Variants in LMNTD1 observed in about 807,000 individuals in gnomAD.
LMNTD1 encodes the protein lamin tail domain containing 1.
Under a neutral mutation model 50.9 loss-of-function variants are expected in LMNTD1, and 35 were observed. That is an observed-to-expected ratio of 0.69 (90% CI 0.53 to 0.91). LMNTD1 has a LOEUF of 0.91. Among genes scored for constraint, LMNTD1 ranks in the 40% least tolerant of loss-of-function variants. The pLI is 0.00. For synonymous variants in LMNTD1, 153 were observed against 161.9 expected (o/e 0.94, Z 0.42); for missense variants, 470 against 475.5 (o/e 0.99, Z 0.11).
At chr12:25,618,988 A>ACCC (rs1946405133) in intron 1 of LMNTD1, among the ~76,000 whole-genome samples, 2 of 152,166 alleles carry the variant, frequency 1.3e-5, no homozygotes, top group African/African-American at 2.4e-5. Flanking sequence ...AGGTTTGGTG[A>ACCC]TGGGTTAACA....
chr12:25,488,631 C>G (rs1214862577), intron 9 of LMNTD1, among the ~76,000 whole-genome samples: 1 of 151,690 alleles, frequency 6.6e-6, no homozygotes, highest in Non-Finnish European at 1.5e-5. Flanking sequence ...CTTCTCTCAG[C>G]TCGTCAAAGT....
chr12:25,554,048 C>T (rs903591783), upstream of LMNTD1, among the ~76,000 whole-genome samples: 6 of 152,058 alleles, frequency 3.9e-5, no homozygotes, highest in Non-Finnish European at 7.4e-5. Context: ...AAAGTCAAGA[C>T]GTGTAACACG....
intron 1 of LMNTD1, among the ~76,000 whole-genome samples, chr12:25,609,718 G>A (rs552259668): frequency 6.3e-4 from 96 of 152,192 alleles, no homozygotes; most frequent in African/African-American, 2.3e-3. Context: ...TGGAAGCTTC[G>A]TCTCAGAGGG....
chr12:25,632,346 A>G (rs1218107464), intron 1 of LMNTD1, among the ~76,000 whole-genome samples: 4 of 152,244 alleles, frequency 2.6e-5, no homozygotes. Flanking sequence ...CACTGTCATC[A>G]GGTTATCCAG....
intron 9 of LMNTD1, chr12:25,503,096 A>G (rs969161773): frequency 6.6e-6 from 1 of 152,262 alleles, no homozygotes; most frequent in Admixed American, 6.5e-5. Flanking sequence ...GTAGTGAACG[A>G]GGGCAACAAA....
chr12:25,594,664 A>AC (rs1215140818), intron 1 of LMNTD1, among the ~76,000 whole-genome samples: 130 of 150,640 alleles, frequency 8.6e-4, no homozygotes, highest in African/African-American at 3.0e-3. Flanking sequence ...AAAAAAAAAA[A>AC]AAAAAAAAAA....
At chr12:25,644,313 CAAAAAAAA>C (rs59091210) in intron 1 of LMNTD1, among the ~76,000 whole-genome samples, 204 of 82,090 alleles carry the variant, frequency 2.5e-3, no homozygotes, top group African/African-American at 9.2e-3. Context: ...CCTTTCTCTA[CAAAAAAAA>C]AAAAAAAAAA....
At chr12:25,545,620 C>A (rs1565463038) in intron 4 of LMNTD1, among the ~76,000 whole-genome samples, 1 of 151,608 alleles carries the variant, frequency 6.6e-6, no homozygotes, top group Admixed American at 6.6e-5. Flanking sequence ...AACTGCTCAT[C>A]ATTTTAACAT....
At chr12:25,647,339 G>T (rs763562370) in intron 1 of LMNTD1, among the ~76,000 whole-genome samples, 13 of 152,016 alleles carry the variant, frequency 8.6e-5, no homozygotes, top group Non-Finnish European at 1.6e-4. Flanking sequence ...AAAAAAATTG[G>T]CTGGGCATGG....
At chr12:25,551,941 CTCAAGTCTAGCATT>C in intron 2 of LMNTD1, among the ~76,000 whole-genome samples, 1 of 152,330 alleles carries the variant, frequency 6.6e-6, no homozygotes, top group African/African-American at 2.4e-5. Flanking sequence ...GTTACAAAAG[CTCAAGTCTAGCATT>C]TCAATGTTAC....
chr12:25,478,480 T>C (rs1938342854), intron 9 of LMNTD1, among the ~76,000 whole-genome samples: 1 of 152,284 alleles, frequency 6.6e-6, no homozygotes, highest in Non-Finnish European at 1.5e-5. Context: ...AGTACAAGTG[T>C]ATACATGCAC....
intron 9 of LMNTD1, among the ~76,000 whole-genome samples, chr12:25,481,492 A>AT (rs1026933596): frequency 2.0e-5 from 3 of 151,994 alleles, no homozygotes; most frequent in African/African-American, 7.3e-5. Flanking sequence ...CCACCAAAGT[A>AT]TTTTCTAAAC....
intron 9 of LMNTD1, among the ~76,000 whole-genome samples, chr12:25,494,678 T>C (rs1032118428): frequency 1.3e-5 from 2 of 152,106 alleles, no homozygotes; most frequent in African/African-American, 4.8e-5. Context: ...ATTATTTTTT[T>C]CCCCCAGCTT....
At chr12:25,575,822 A>G (rs1944992070) in intron 1 of LMNTD1, among the ~76,000 whole-genome samples, 1 of 152,096 alleles carries the variant, frequency 6.6e-6, no homozygotes. Flanking sequence ...ATATCTCCTA[A>G]TGCTATCCCT....
intron 4 of LMNTD1, among the ~76,000 whole-genome samples, chr12:25,529,527 A>AGGG (rs1942073560): frequency 1.3e-5 from 2 of 152,248 alleles, no homozygotes; most frequent in South Asian, 4.2e-4. Context: ...ATACTGTCCC[A>AGGG]GTTTCTTATC....
chr12:25,546,666 C>T, intron 3 of LMNTD1, 112 bp from the exon 4 acceptor site: 1 of 565,046 alleles, frequency 1.8e-6, no homozygotes, highest in Middle Eastern at 4.5e-4. Flanking sequence ...TATATTTTTA[C>T]ATTTTAATAT....
At chr12:25,570,512 T>C (rs1944743713) in intron 1 of LMNTD1, among the ~76,000 whole-genome samples, 1 of 152,158 alleles carries the variant, frequency 6.6e-6, no homozygotes, top group African/African-American at 2.4e-5. Context: ...GGCAGTGTTG[T>C]ATGTACTTTT....
intron 1 of LMNTD1, among the ~76,000 whole-genome samples, chr12:25,594,556 A>T (rs373232119): frequency 1.1e-4 from 16 of 151,882 alleles, no homozygotes; most frequent in African/African-American, 3.6e-4. Context: ...GAACTGACTT[A>T]AAAAAATCTC....
At chr12:25,572,771 C>T (rs1433379430) in intron 1 of LMNTD1, among the ~76,000 whole-genome samples, 1 of 152,006 alleles carries the variant, frequency 6.6e-6, no homozygotes, top group African/African-American at 2.4e-5. Context: ...TTCCTCTCTT[C>T]CTCCCTCTCC....
Sources: allele counts gnomAD v4.1 joint callset (sites outside exome capture counted in the v4.1 genomes callset), GRCh38; gene constraint gnomAD v4.1.1; transcripts MANE v1.5; gene names NCBI Gene and HGNC (gene_info 2026-07-23, HGNC 2026-07-21).